Variants in HFM1 observed in about 807,000 individuals in gnomAD.
HFM1 encodes the protein probable ATP-dependent DNA helicase HFM1.
Under a neutral mutation model 192.1 loss-of-function variants are expected in HFM1, and 169 were observed. That is an observed-to-expected ratio of 0.88 (90% CI 0.78 to 1.00). The LOEUF (loss-of-function observed/expected upper bound fraction) is 1.00. Among genes scored for constraint, HFM1 ranks in the 50% least tolerant of loss-of-function variants. The pLI is 0.00. For missense variants in HFM1, 1,661 were observed against 1,668.0 expected, an observed-to-expected ratio of 1.00 and a Z score of 0.07; for synonymous variants, 525 against 537.8, an observed-to-expected ratio of 0.98 and a Z score of 0.33.
chr1:91,316,406 T>C lies in HFM1; in HGVS notation c.2883A>G (p.Ala961=). 5 of 1,568,068 alleles carry C rather than the reference T, an allele frequency of 3.2e-6. No individual in the cohort carries two copies. The highest frequency in any genetic ancestry group is 4.4e-6 in the Non-Finnish European group (5 of 1,147,888). The part of the protein sequence containing the change: ...TSFKKIEETD[A]RELELILNRH... ...ATATAACTACCAATTCAAGTTCCCT[T>C]GCATCTGTCTCTTCTATTTTTTTAA... The change falls in exon 26 of 39, where the codon GCA becomes GCG. Residue 961 remains alanine, a synonymous_variant. Transcript: ENST00000370425.
intron 13 of HFM1, among the ~76,000 whole-genome samples, chr1:91,364,915 G>A (rs561894137): frequency 1.3e-4 from 19 of 151,824 alleles, no homozygotes; most frequent in Admixed American, 2.0e-4. Context: ...CTACAGGCGT[G>A]AGCCACCGCG....
At position 91,266,013 on chromosome 1, in the gene HFM1, T is replaced by C. The variant is rs1316736260; in HGVS notation, c.3974+4A>G. 4 of 1,589,168 alleles carry C rather than the reference T, an allele frequency of 2.5e-6. No individual in the cohort carries two copies. Among genetic ancestry groups the C allele is most frequent in the Non-Finnish European group, 3.4e-6 (4 of 1,173,104 alleles). ...ATATTACAAACCTAAGTTCTAAAAC[T>C]TGCCTGTTTGACATTTCTCTTTGGA... is the stretch of plus-strand genomic sequence containing the variant. On this transcript the variant is annotated splice_donor_region_variant and intron_variant, in intron 36 of 38. Transcript: ENST00000370425.
intron 4 of HFM1, among the ~76,000 whole-genome samples, chr1:91,391,366 A>G (rs1248075404): frequency 6.6e-6 from 1 of 152,244 alleles, no homozygotes; most frequent in Non-Finnish European, 1.5e-5. Flanking sequence ...ACAAGGCTAC[A>G]GTAACCAAAA....
In HFM1 at chr1:91,394,275, T is replaced by G. The variant is rs1663371628; in HGVS notation, c.312A>C (p.Leu104=). The part of the protein sequence containing the change: ...FPSDKYEQDD[L]NLEGVGNNDL... ...CATTATTACCTACCCCTTCTAAATT[T>G]AGATCATCCTGTTCATATTTATCAG... The change falls in exon 4 of 39, where the codon CTA becomes CTC. Residue 104 remains leucine, a synonymous_variant. Coordinates refer to ENST00000370425, the MANE Select transcript of HFM1 (RefSeq NM_001017975.6). 6.3e-7 allele frequency: 1 copy of G among 1,596,306 alleles called. No homozygotes were observed. The highest frequency in any genetic ancestry group is 1.7e-5 in the Admixed American group (1 of 59,928).
At chr1:91,353,652 C>CAA (rs1553213572) in intron 13 of HFM1, among the ~76,000 whole-genome samples, 11 of 65,426 alleles carry the variant, frequency 1.7e-4, no homozygotes, top group South Asian at 6.2e-4. Context: ...AGTAAATAAG[C>CAA]AAAAAAAAAA....
chr1:91,349,584 C>T (rs959071542), intron 18 of HFM1, among the ~76,000 whole-genome samples: 4 of 152,198 alleles, frequency 2.6e-5, no homozygotes, highest in Non-Finnish European at 5.9e-5. Flanking sequence ...GGCCTGCCAA[C>T]AACTGTGAGA....
chr1:91,267,844 C>T lies in HFM1; in HGVS notation c.3784G>A (p.Val1262Met), dbSNP rs747989952. The T allele has an allele frequency of 5.8e-6, 9 of 1,559,928 alleles. No individual in the cohort carries two copies. In the South Asian group the frequency reaches 8.4e-5, roughly 15 times the overall value. The change falls in exon 35 of 39, where the codon GTG (valine) becomes ATG (methionine). Residue 1262 changes from valine (V) to methionine (M), a missense_variant. Val to Met is a conservative substitution (Grantham distance 21, BLOSUM62 1). Coordinates refer to ENST00000370425, the MANE Select transcript of HFM1 (RefSeq NM_001017975.6). ...SEYQDKEVLN[V>M]NFELGNEVWD... Reference sequence around the variant, plus strand: ...ACTTCATTTCCCAATTCAAAGTTCACATTCAAAACTTCTGAAAATAGAGAA... The same window carrying T: ...ACTTCATTTCCCAATTCAAAGTTCATATTCAAAACTTCTGAAAATAGAGAA...
intron 4 of HFM1, among the ~76,000 whole-genome samples, chr1:91,386,963 T>C (rs1041276711): frequency 1.3e-5 from 2 of 152,206 alleles, no homozygotes; most frequent in Non-Finnish European, 1.5e-5. Flanking sequence ...ACCATTTCAA[T>C]GTAAGAACTA....
At chr1:91,404,912 T>C, upstream of HFM1, 1 of 454,020 alleles carries the variant, frequency 2.2e-6, no homozygotes, top group South Asian at 1.6e-5. Context: ...CCCCAACCTC[T>C]CCCTTCCTAC....
intron 25 of HFM1, 68 bp downstream of exon 25, chr1:91,319,010 T>C (rs1176311330): frequency 4.2e-6 from 6 of 1,433,922 alleles, no homozygotes; most frequent in Non-Finnish European, 5.7e-6. Context: ...ACAGAATAAT[T>C]TTACTAACAG....
chr1:91,273,742 T>C lies in HFM1; in HGVS notation c.3742A>G (p.Arg1248Gly). 6.3e-7 allele frequency: 1 copy of C among 1,596,328 alleles called. No homozygotes were observed. Among genetic ancestry groups the C allele is most frequent in the South Asian group, 1.1e-5 (1 of 90,546 alleles). The change falls in exon 34 of 39, where the codon AGA becomes GGA. Residue 1248 changes from arginine (R) to glycine (G), a missense_variant. Coordinates refer to ENST00000370425, the MANE Select transcript of HFM1 (RefSeq NM_001017975.6). Reference sequence around the variant, plus strand: ...TCTTGATATTCAGATGGTTCTTGTCTAACTTTTCCATAGATTTCAGGCTGA... The same window carrying C: ...TCTTGATATTCAGATGGTTCTTGTCCAACTTTTCCATAGATTTCAGGCTGA... The part of the protein sequence containing the change: ...WDQPEIYGKV[R>G]QEPSEYQDKE...
At chr1:91,263,615 GGTGT>G (rs1156499554) in intron 36 of HFM1, among the ~76,000 whole-genome samples, 6 of 151,852 alleles carry the variant, frequency 4.0e-5, no homozygotes, top group Non-Finnish European at 5.9e-5. Flanking sequence ...CAGGCATAGT[GGTGT>G]GTATGTACCT....
Position 91,350,866 on chromosome 1 carries a change from T to C in HFM1, c.2078A>G (p.His693Arg), listed in dbSNP as rs759964404. 65 of 1,570,390 alleles carry C rather than the reference T, an allele frequency of 4.1e-5. No homozygotes were observed. The highest frequency in any genetic ancestry group is 5.6e-5 in the Non-Finnish European group (65 of 1,152,138). Residue 693 changes from histidine (H) to arginine (R), a missense_variant, in exon 18 of 39, where the codon CAC (histidine) becomes CGC (arginine). Transcript: ENST00000370425. ...ACRDTVESSLHRHLIEHLNAE... is the reference protein window; with the variant it reads ...ACRDTVESSLRRHLIEHLNAE... ...ATTTAAATGTTCAATAAGATGTCTG[T>C]GCAAACTAATGAAAAAAAACTTTGC...
chr1:91,322,318 T>G (rs1418693806), intron 23 of HFM1, among the ~76,000 whole-genome samples: 1 of 152,162 alleles, frequency 6.6e-6, no homozygotes, highest in Non-Finnish European at 1.5e-5. Context: ...TTTGGCTAAT[T>G]GGTTTTATTG....
At chr1:91,264,474 G>A (rs1237039423) in intron 36 of HFM1, among the ~76,000 whole-genome samples, 1 of 133,712 alleles carries the variant, frequency 7.5e-6, no homozygotes, top group Non-Finnish European at 1.5e-5. Context: ...CCGGGTTCAC[G>A]CCATTCTCCT....
intron 13 of HFM1, among the ~76,000 whole-genome samples, chr1:91,354,102 G>A (rs548416582): frequency 6.6e-6 from 1 of 151,820 alleles, no homozygotes; most frequent in South Asian, 2.1e-4. Context: ...ACAGGTCAAT[G>A]AAATCAGGAA....
chr1:91,366,212 TTGTAG>T (rs1659292328), intron 13 of HFM1, among the ~76,000 whole-genome samples: 1 of 152,346 alleles, frequency 6.6e-6, no homozygotes, highest in South Asian at 2.1e-4. Context: ...TTAAAGGAAC[TTGTAG>T]TGTATTTCAA....
intron 11 of HFM1, 116 bp downstream of exon 11, chr1:91,377,909 A>T: frequency 2.2e-6 from 2 of 911,358 alleles, no homozygotes; most frequent in Non-Finnish European, 3.5e-6. Context: ...ACTTTCTACA[A>T]CATACTTTCC....
At position 91,323,097 on chromosome 1, in the gene HFM1, T is replaced by C. The variant is rs200915273; in HGVS notation, c.2530A>G (p.Ile844Val). Residue 844 changes from isoleucine (I) to valine (V), a missense_variant, in exon 22 of 39, where the codon ATC becomes GTC. Ile to Val is a conservative substitution (Grantham distance 29, BLOSUM62 3). Coordinates refer to ENST00000370425, the MANE Select transcript of HFM1 (RefSeq NM_001017975.6). ...AAACATATGTAATTTCTGTACCTGA[T>C]AGTTATCCGATTTGGATCTTTGTTC... ...TLNKDPNRITIRFPMEGRIKT... is the reference protein window; with the variant it reads ...TLNKDPNRITVRFPMEGRIKT... 7 of 1,516,108 alleles carry C rather than the reference T, an allele frequency of 4.6e-6. No individual in the cohort carries two copies. The highest frequency in any genetic ancestry group is 2.8e-5 in the African/African-American group (2 of 72,684). 93.9% of individuals were successfully genotyped at this position (1,516,108 alleles called of 1,614,324 possible). A position where few individuals can be genotyped will look rare whatever the true frequency, so the allele number is the denominator to read the frequency against.
Sources: allele counts gnomAD v4.1 joint callset (sites outside exome capture counted in the v4.1 genomes callset), GRCh38; gene constraint gnomAD v4.1.1; transcripts MANE v1.5; gene names NCBI Gene and HGNC (gene_info 2026-07-23, HGNC 2026-07-21).